Variants in HMCN2 observed in about 807,000 individuals in gnomAD.
The protein encoded by HMCN2 is hemicentin-2.
A neutral mutation model predicts 377.5 loss-of-function variants in HMCN2; 325 were observed. The observed-to-expected ratio is 0.86, with a 90% CI of 0.79 to 0.94. The LOEUF is 0.94. Among genes scored for constraint, HMCN2 ranks in the 40% least tolerant of loss-of-function variants. The pLI, the probability that HMCN2 is intolerant of heterozygous loss-of-function variation, is 0.00. For synonymous variants in HMCN2, 2,007 were observed against 2,046.8 expected, an observed-to-expected ratio of 0.98 and a Z score of 0.53; for missense variants, 4,543 against 4,725.3, an observed-to-expected ratio of 0.96 and a Z score of 1.13.
At chr9:130,359,489 G>A (rs1840239416) in intron 37 of HMCN2, 75 bp downstream of exon 37, 1 of 705,036 alleles carries the variant, frequency 1.4e-6, no homozygotes, top group African/African-American at 1.8e-5. Flanking sequence ...AGTGACCCAG[G>A]GACTCTCTGA....
At chr9:130,432,749 C>G in intron 97 of HMCN2, 194 bp downstream of exon 97, 1 of 613,692 alleles carries the variant, frequency 1.6e-6, no homozygotes, top group Non-Finnish European at 2.9e-6. Flanking sequence ...AAACCCCAGA[C>G]ACAGGACCAC....
intron 85 of HMCN2, among the ~76,000 whole-genome samples, chr9:130,415,604 G>A (rs370100687): frequency 1.3e-5 from 2 of 152,150 alleles, no homozygotes; most frequent in Admixed American, 6.5e-5. Flanking sequence ...TGAAACAAGT[G>A]AAAAAAACAG....
chr9:130,330,129 G>A lies in HMCN2; in HGVS notation c.3359+2654G>A, dbSNP rs956071362. Among the ~76,000 whole-genome samples, 48 of 151,828 alleles carry A rather than the reference G, an allele frequency of 3.2e-4. No individual in the cohort carries two copies. In the East Asian group the frequency reaches 7.8e-3, roughly 25 times the overall value. ...GCCTCAAAGCTGCCCTTCTGAAAACGGAGCACTTACCTGGCTGATGCGTCT... is the reference window on the plus strand; with the variant it reads ...GCCTCAAAGCTGCCCTTCTGAAAACAGAGCACTTACCTGGCTGATGCGTCT... On this transcript the variant is annotated intron_variant, in intron 22 of 97. Transcript: ENST00000683500.
intron 22 of HMCN2, among the ~76,000 whole-genome samples, 171 bp downstream of exon 22, chr9:130,327,646 AG>A (rs1219837633): frequency 6.6e-6 from 1 of 152,164 alleles, no homozygotes; most frequent in East Asian, 1.9e-4. Context: ...GAAGCCTGGA[AG>A]GGGCCTCTAG....
At position 130,356,104 on chromosome 9, in the gene HMCN2, C is replaced by T. The variant is rs758141420; in HGVS notation, c.5272C>T (p.Arg1758Cys). ...VPTIQWLQNGRPAEELAGVQV... is the reference protein window; with the variant it reads ...VPTIQWLQNGCPAEELAGVQV... ...TCACCTTAGGTGGCTGCAGAATGGC[C>T]GCCCAGCCGAGGAGCTGGCTGGGGT... Residue 1758 changes from arginine (R) to cysteine (C), a missense_variant, in exon 34 of 98, where the codon CGC becomes TGC. Arg to Cys is a radical substitution (Grantham distance 180). Transcript: ENST00000683500. 25 of 1,290,504 alleles carry T rather than the reference C, an allele frequency of 1.9e-5. No individual in the cohort carries two copies. The highest frequency in any genetic ancestry group is 2.5e-5 in the South Asian group (2 of 79,408). 79.9% of individuals were successfully genotyped at this position (1,290,504 alleles called of 1,614,324 possible).
At position 130,278,133 on chromosome 9, in the gene HMCN2, G is replaced by GT. The variant is rs1195446530; in HGVS notation, c.260-6461dup. 5.7e-3 allele frequency among the ~76,000 whole-genome samples: 856 copies of GT among 150,922 alleles called. 16 individuals carry two copies. Among genetic ancestry groups the GT allele is most frequent in the African/African-American group, 0.018 (753 of 40,940 alleles). The stretch of plus-strand genomic sequence containing the variant: ...TTTTGTTTGTTTGGTTGGTTGGTTG[G>GT]TTTTTTTTTGAGACGCAGTCTCGCT... On this transcript the variant is annotated intron_variant, in intron 1 of 97. Coordinates refer to ENST00000683500, the MANE Select transcript of HMCN2 (RefSeq NM_001291815.2).
At chr9:130,402,214 G>A (rs1260943463) in intron 77 of HMCN2, among the ~76,000 whole-genome samples, 1 of 152,246 alleles carries the variant, frequency 6.6e-6, no homozygotes, top group Non-Finnish European at 1.5e-5. Flanking sequence ...AGAGTGCCGT[G>A]GGCCTTGCTT....
chr9:130,379,398 C>T lies in HMCN2; in HGVS notation c.8362C>T (p.Pro2788Ser), dbSNP rs187445576. The change falls in exon 54 of 98, where the codon CCC becomes TCC. Residue 2788 changes from proline (P) to serine (S), a missense_variant. Coordinates refer to ENST00000683500, the MANE Select transcript of HMCN2 (RefSeq NM_001291815.2). The part of the protein sequence containing the change: ...YLYCDTNAIP[P>S]PDLTWYREDQ... ...GTACTGCGACACCAACGCGATCCCA[C>T]CCCCGGACCTCACCTGGTACAGAGA... is the stretch of plus-strand genomic sequence containing the variant. 43 of 985,080 alleles carry T rather than the reference C, an allele frequency of 4.4e-5. No homozygotes were observed. In the South Asian group the frequency reaches 1.1e-3, roughly 25 times the overall value. 61.0% of individuals were successfully genotyped at this position (985,080 alleles called of 1,614,324 possible).
intron 75 of HMCN2, 102 bp downstream of exon 75, chr9:130,398,809 G>C: frequency 9.7e-7 from 1 of 1,034,850 alleles, no homozygotes; most frequent in Non-Finnish European, 1.3e-6. Flanking sequence ...GGTGTGCTCA[G>C]GTCTCACCGG....
chr9:130,313,688 CTG>C (rs1837392645), intron 15 of HMCN2, among the ~76,000 whole-genome samples: 1 of 151,544 alleles, frequency 6.6e-6, no homozygotes, highest in Non-Finnish European at 1.5e-5. Flanking sequence ...GGTTGCCTGA[CTG>C]TGTGTGGCAA....
intron 53 of HMCN2, 118 bp downstream of exon 53, chr9:130,377,917 C>T (rs1841482480): frequency 1.3e-6 from 1 of 774,852 alleles, no homozygotes. Flanking sequence ...CGTGGCATCT[C>T]CCACTGGCTC....
Position 130,321,929 on chromosome 9 carries a change from AGGGTGAGT to A in HMCN2, c.2919_2920+6del, listed in dbSNP as rs1837873943. 6.7e-6 allele frequency: 1 copy of A among 149,700 alleles called. No homozygotes were observed. The allele number at this position is 149,700 out of a possible 1,614,324, so 9.3% of individuals were successfully genotyped here. On this transcript the variant is annotated splice_donor_variant and splice_donor_5th_base_variant and coding_sequence_variant and intron_variant, in exon 19 of 98. Coordinates refer to ENST00000683500, the MANE Select transcript of HMCN2 (RefSeq NM_001291815.2). LOFTEE classifies it high-confidence loss of function. ...CACCGGGACGTGGAGCTGGTGGTCC[AGGGTGAGT>A]CCTGGGGTCTCGGAGGTGGTGGTCG...
At position 130,309,436 on chromosome 9, in the gene HMCN2, A is replaced by G. The variant is rs545120003; in HGVS notation, c.2201-476A>G. Among the ~76,000 whole-genome samples, 11 of 146,840 alleles carry G rather than the reference A, an allele frequency of 7.5e-5. 1 individual carries two copies. The highest frequency in any genetic ancestry group is 5.6e-4 in the Admixed American group (8 of 14,236). ...AGGCTGAAGTAGGATAATCGCTTGA[A>G]CCTGGGAGGTAGAGGTTGCAGTGAG... On this transcript the variant is annotated intron_variant, in intron 14 of 97. Coordinates refer to ENST00000683500, the MANE Select transcript of HMCN2 (RefSeq NM_001291815.2).
intron 15 of HMCN2, among the ~76,000 whole-genome samples, chr9:130,313,160 C>T (rs887471574): frequency 6.6e-6 from 1 of 151,912 alleles, no homozygotes. Context: ...GGTCTGGCAG[C>T]GGTGGTGGGA....
chr9:130,391,147 C>T, intron 63 of HMCN2, 27 bp downstream of exon 63: 1 of 987,916 alleles, frequency 1.0e-6, no homozygotes. Context: ...ACCCTCCTGT[C>T]CCACTCCCAT....
intron 43 of HMCN2, among the ~76,000 whole-genome samples, chr9:130,367,321 C>T (rs1238372131): frequency 6.6e-6 from 1 of 152,106 alleles, no homozygotes; most frequent in African/African-American, 2.4e-5. Flanking sequence ...GGCTAGGAAG[C>T]AGCCTGGGAG....
intron 44 of HMCN2, 144 bp downstream of exon 44, chr9:130,368,581 G>A (rs1051040252): frequency 1.2e-5 from 3 of 249,120 alleles, no homozygotes; most frequent in South Asian, 1.5e-4. Flanking sequence ...GTGTGAGTCC[G>A]TTCTCACACT....
Position 130,303,516 on chromosome 9 carries a change from T to C in HMCN2, c.1451T>C (p.Leu484Pro), listed in dbSNP as rs562954248. ...TCGGGAAACAGCAGCTGGGAGATCC[T>C]GCGGGCCTCCAAGGCCGAGGAGGGC... ...QESGNSSWEI[L>P]RASKAEEGTY... The change falls in exon 10 of 98, where the codon CTG becomes CCG. Residue 484 changes from leucine to proline, a missense_variant. By Grantham distance (98) the Leu-to-Pro change is moderately conservative. This residue lies in a region of HMCN2 where 547 missense variants were observed against 189.9 expected (regional missense o/e 2.88). Transcript: ENST00000683500. This position sits in a 1 kb window ranked among gnomAD's most constrained non-coding sequence, Gnocchi z 5.2. 1.2e-4 allele frequency: 56 copies of C among 448,002 alleles called. 1 individual carries two copies. The highest frequency in any genetic ancestry group is 8.7e-4 in the South Asian group (54 of 61,994). 27.8% of individuals were successfully genotyped at this position (448,002 alleles called of 1,614,324 possible). A position where few individuals can be genotyped will look rare whatever the true frequency, so the allele number is the denominator to read the frequency against.
In HMCN2 at chr9:130,362,939, G is replaced by T; in HGVS notation, c.6181G>T (p.Ala2061Ser). The T allele has an allele frequency of 1.0e-6, 1 of 985,978 alleles. No individual in the cohort carries two copies. The highest frequency in any genetic ancestry group is 5.2e-4 in the Middle Eastern group (1 of 1,914). 61.1% of individuals were successfully genotyped at this position (985,978 alleles called of 1,614,324 possible). A position where few individuals can be genotyped will look rare whatever the true frequency, so the allele number is the denominator to read the frequency against. The change falls in exon 40 of 98, where the codon GCT becomes TCT. Residue 2061 changes from alanine (A) to serine (S), a missense_variant. Coordinates refer to ENST00000683500, the MANE Select transcript of HMCN2 (RefSeq NM_001291815.2). The stretch of plus-strand genomic sequence containing the variant: ...CGACTCTGGGAGGTACTCCTGCGTG[G>T]CTGTGAGCGCGGTGGGCGAGGACCG... ...ASDSGRYSCV[A>S]VSAVGEDRQD...
Sources: allele counts gnomAD v4.1 joint callset (sites outside exome capture counted in the v4.1 genomes callset), GRCh38; gene constraint gnomAD v4.1.1; regional missense constraint gnomAD v4.1.1; non-coding constraint Gnocchi (gnomAD v3.1); transcripts MANE v1.5; gene names NCBI Gene and HGNC (gene_info 2026-07-23, HGNC 2026-07-21).